GIGYF2: variants seen among roughly 807,000 people sequenced by gnomAD.
GIGYF2 encodes GRB10-interacting GYF protein 2.
A neutral mutation model predicts 208.1 loss-of-function variants in GIGYF2; 25 were observed. The observed-to-expected ratio is 0.12, with a 90% CI of 0.09 to 0.17. GIGYF2 has a LOEUF of 0.17. Among genes scored for constraint, GIGYF2 ranks in the 10% least tolerant of loss-of-function variants. The pLI, the probability that GIGYF2 is intolerant of heterozygous loss-of-function variation, is 1.00. For missense variants in GIGYF2, 1,302 were observed against 1,579.4 expected, an observed-to-expected ratio of 0.82 and a Z score of 2.98; for synonymous variants, 534 against 543.8, an observed-to-expected ratio of 0.98 and a Z score of 0.25.
intron 8 of GIGYF2, chr2:232,768,755 A>G: frequency 1.3e-6 from 2 of 1,599,860 alleles, no homozygotes; most frequent in Non-Finnish European, 1.7e-6. Context: ...CTGCTGTGTC[A>G]GTAAAGCGAA....
intron 26 of GIGYF2, among the ~76,000 whole-genome samples, chr2:232,846,929 G>C (rs1398518387): frequency 1.3e-5 from 2 of 152,138 alleles, no homozygotes; most frequent in African/African-American, 2.4e-5. Flanking sequence ...TTTTCCATTT[G>C]ATTTCTCTCT....
intron 23 of GIGYF2, among the ~76,000 whole-genome samples, chr2:232,840,245 G>C (rs187275653): frequency 3.9e-5 from 6 of 152,306 alleles, no homozygotes; most frequent in Admixed American, 3.3e-4. Context: ...AACTACACGG[G>C]TTGTTCAAAA....
At chr2:232,798,893 CT>C (rs1700304129) in intron 14 of GIGYF2, among the ~76,000 whole-genome samples, 2 of 150,706 alleles carry the variant, frequency 1.3e-5, no homozygotes, top group South Asian at 4.2e-4. Flanking sequence ...ACTTTTTCAT[CT>C]TCCCAAATTG....
intron 5 of GIGYF2, among the ~76,000 whole-genome samples, chr2:232,750,109 C>T (rs34880628): frequency 0.31 from 46,466 of 151,632 alleles, 7,488 homozygotes; most frequent in South Asian, 0.62. Context: ...CGCTTGAACT[C>T]GGGAGACAGA....
At chr2:232,741,779 C>T (rs1697976170) in intron 3 of GIGYF2, among the ~76,000 whole-genome samples, 1 of 152,070 alleles carries the variant, frequency 6.6e-6, no homozygotes, top group Admixed American at 6.6e-5. Context: ...TTGTTTTCCT[C>T]ACAGCAGGCA....
At chr2:232,804,675 TAG>T (rs1303189431) in intron 14 of GIGYF2, among the ~76,000 whole-genome samples, 1 of 152,078 alleles carries the variant, frequency 6.6e-6, no homozygotes, top group African/African-American at 2.4e-5. Flanking sequence ...CATTTTTTAG[TAG>T]AGACAAGGTT....
chr2:232,733,680 C>A (rs1197747717), intron 2 of GIGYF2, among the ~76,000 whole-genome samples: 1 of 152,112 alleles, frequency 6.6e-6, no homozygotes, highest in African/African-American at 2.4e-5. Context: ...ATGTTAAAAT[C>A]CTTGGATGCT....
chr2:232,813,739 G>A (rs561451538), intron 18 of GIGYF2, among the ~76,000 whole-genome samples: 1 of 152,042 alleles, frequency 6.6e-6, no homozygotes, highest in Non-Finnish European at 1.5e-5. Context: ...CATGCTGTTT[G>A]TACCTTATTT....
chr2:232,792,272 G>A (rs1348081543), intron 12 of GIGYF2, among the ~76,000 whole-genome samples: 1 of 152,020 alleles, frequency 6.6e-6, no homozygotes, highest in Non-Finnish European at 1.5e-5. Flanking sequence ...CCAAACTAGG[G>A]TAGGTGTCTT....
At chr2:232,781,043 C>T (rs1008249771) in intron 8 of GIGYF2, among the ~76,000 whole-genome samples, 1 of 151,936 alleles carries the variant, frequency 6.6e-6, no homozygotes, top group Non-Finnish European at 1.5e-5. Flanking sequence ...CTGCAACCTC[C>T]ACCTCCCGGG....
chr2:232,807,770 C>G (rs149510383), intron 15 of GIGYF2, among the ~76,000 whole-genome samples: 1,995 of 152,208 alleles, frequency 0.013, 33 homozygotes, highest in African/African-American at 0.045. Context: ...TGGAGTCTCG[C>G]CATGTTGCCC....
At chr2:232,823,219 C>T (rs988261713) in intron 21 of GIGYF2, among the ~76,000 whole-genome samples, 5 of 152,062 alleles carry the variant, frequency 3.3e-5, no homozygotes, top group African/African-American at 1.2e-4. Flanking sequence ...TACCACCCTA[C>T]TTGATACATA....
intron 8 of GIGYF2, among the ~76,000 whole-genome samples, chr2:232,786,320 C>T (rs1699906593): frequency 6.6e-6 from 1 of 152,162 alleles, no homozygotes; most frequent in African/African-American, 2.4e-5. Flanking sequence ...TTACCGCGAC[C>T]TCCGCCTCCT....
At chr2:232,737,753 T>G (rs1242165027) in intron 3 of GIGYF2, among the ~76,000 whole-genome samples, 1 of 152,054 alleles carries the variant, frequency 6.6e-6, no homozygotes, top group Non-Finnish European at 1.5e-5. Flanking sequence ...ATACGGTGTT[T>G]ATTAAGGTCA....
intron 21 of GIGYF2, among the ~76,000 whole-genome samples, chr2:232,820,539 C>T (rs1013624050): frequency 1.3e-5 from 2 of 152,012 alleles, no homozygotes; most frequent in Non-Finnish European, 1.5e-5. Flanking sequence ...TGGTCTCAAT[C>T]TCCTGACCTC....
chr2:232,762,287 C>T (rs1698774522), intron 8 of GIGYF2, among the ~76,000 whole-genome samples: 1 of 143,628 alleles, frequency 7.0e-6, no homozygotes, highest in Non-Finnish European at 1.5e-5. Context: ...GCTGGAGACT[C>T]TGTCACCCAG....
chr2:232,716,113 T>A (rs6753206), intron 2 of GIGYF2, among the ~76,000 whole-genome samples: 24,405 of 152,082 alleles, frequency 0.16, 2,069 homozygotes, highest in South Asian at 0.3. Context: ...TTACTATAGC[T>A]GTCTTTTGTT....
At chr2:232,849,532 G>T (rs1313246114) in intron 27 of GIGYF2, among the ~76,000 whole-genome samples, 5 of 152,122 alleles carry the variant, frequency 3.3e-5, no homozygotes, top group Admixed American at 3.3e-4. Context: ...TTGTGAAATG[G>T]CTTCTCTGTG....
At chr2:232,760,330 A>T (rs917784454) in intron 6 of GIGYF2, 150 bp from the exon 7 acceptor site, 1 of 655,208 alleles carries the variant, frequency 1.5e-6, no homozygotes, top group Non-Finnish European at 2.8e-6. Context: ...TGTTGGTCTC[A>T]TAAGTCAAGA....
Sources: gnomAD v4.1 joint callset for allele counts (sites outside exome capture counted in the v4.1 genomes callset) on GRCh38, gnomAD v4.1.1 for gene constraint, MANE v1.5 for transcripts, NCBI Gene and HGNC (gene_info 2026-07-23, HGNC 2026-07-21) for gene names.